NLGN4X: variants seen among roughly 807,000 people sequenced by gnomAD.
The protein encoded by NLGN4X is neuroligin-4, X-linked.
In NLGN4X, 3 loss-of-function variants were observed where a neutral mutation model predicts 40.3. The ratio of observed to expected loss-of-function variants is 0.07; its 90% CI spans 0.03 to 0.19. The LOEUF (loss-of-function observed/expected upper bound fraction) is 0.19, where lower values mean the gene tolerates loss of function less well. NLGN4X is among the 10% of genes least tolerant of loss of function. The pLI is 1.00. For missense variants in NLGN4X, 382 were observed against 708.3 expected, an observed-to-expected ratio of 0.54 and a Z score of 5.23; for synonymous variants, 270 against 306.8, an observed-to-expected ratio of 0.88 and a Z score of 1.25.
At chrX:5,971,253 G>C (rs763065185) in intron 3 of NLGN4X, among the ~76,000 whole-genome samples, 33 of 110,603 alleles carry the variant, frequency 3.0e-4, no homozygotes, top group African/African-American at 1.0e-3. Context: ...CCCTCCCTGG[G>C]TACCAGTCCC....
intron 1 of NLGN4X, among the ~76,000 whole-genome samples, chrX:6,192,881 C>T (rs773493013): frequency 3.6e-4 from 40 of 111,666 alleles, no homozygotes; most frequent in Non-Finnish European, 6.6e-4. Flanking sequence ...TGGGAACAAT[C>T]GGGCTCAAGG....
chrX:6,130,905 TA>T (rs1449652862), intron 2 of NLGN4X, among the ~76,000 whole-genome samples: 1 of 111,808 alleles, frequency 8.9e-6, no homozygotes, highest in East Asian at 2.8e-4. Flanking sequence ...CAACTGTATA[TA>T]AAAAAAACCA....
At chrX:6,131,465 C>T (rs1321852626) in intron 2 of NLGN4X, among the ~76,000 whole-genome samples, 1 of 111,969 alleles carries the variant, frequency 8.9e-6, no homozygotes, top group Non-Finnish European at 1.9e-5. Flanking sequence ...AATGTAGGGG[C>T]CAATCACCCC....
chrX:5,960,411 T>G (rs147682300), intron 3 of NLGN4X, among the ~76,000 whole-genome samples: 1,784 of 111,412 alleles, frequency 0.016, 36 homozygotes, highest in African/African-American at 0.056. Flanking sequence ...ATATTATACA[T>G]TTCCTTATTT....
chrX:6,203,438 T>A (rs2147861150), intron 1 of NLGN4X, among the ~76,000 whole-genome samples: 1 of 112,620 alleles, frequency 8.9e-6, no homozygotes, highest in African/African-American at 3.2e-5. Flanking sequence ...GTGCCAGATT[T>A]GATTTGAACA....
chrX:6,116,830 A>G (rs147602723), intron 2 of NLGN4X, among the ~76,000 whole-genome samples: 1 of 110,763 alleles, frequency 9.0e-6, no homozygotes, highest in Non-Finnish European at 1.9e-5. Context: ...AAGTGCCAAG[A>G]AGTGCTTTTA....
intron 2 of NLGN4X, among the ~76,000 whole-genome samples, chrX:6,149,669 C>T (rs998409974): frequency 9.0e-6 from 1 of 111,500 alleles, no homozygotes; most frequent in Non-Finnish European, 1.9e-5. Context: ...AGAGGTCTGT[C>T]ACCATAACGA....
chrX:5,987,551 T>C (rs1453166806), intron 3 of NLGN4X, among the ~76,000 whole-genome samples: 1 of 112,187 alleles, frequency 8.9e-6, no homozygotes, highest in African/African-American at 3.2e-5. Flanking sequence ...AAATGGATTA[T>C]TTTTTTTAAT....
At chrX:5,940,097 G>T (rs886966095) in intron 3 of NLGN4X, among the ~76,000 whole-genome samples, 1 of 110,194 alleles carries the variant, frequency 9.1e-6, no homozygotes, top group Admixed American at 9.7e-5. Flanking sequence ...TAAATATGCT[G>T]GGATACATTA....
intron 3 of NLGN4X, among the ~76,000 whole-genome samples, chrX:5,965,549 C>T (rs1037348081): frequency 5.4e-5 from 6 of 112,075 alleles, no homozygotes; most frequent in Admixed American, 2.8e-4. Flanking sequence ...TGTCAAGACA[C>T]ATTTATTCCA....
At chrX:6,029,456 A>G (rs371296577) in intron 2 of NLGN4X, 24 bp from the exon 3 acceptor site, 247 of 1,193,184 alleles carry the variant, frequency 2.1e-4, no homozygotes, top group Non-Finnish European at 2.7e-4. Flanking sequence ...CCAAGTAAGG[A>G]AACACAATAA....
intron 2 of NLGN4X, among the ~76,000 whole-genome samples, chrX:6,122,706 T>C (rs1468809947): frequency 9.3e-6 from 1 of 107,229 alleles, no homozygotes; most frequent in Non-Finnish European, 1.9e-5. Flanking sequence ...ATGACCCAAG[T>C]AAACAAACTG....
rs775232833 is a variant in NLGN4X, at chrX:6,225,916, T to C, written c.-306+2625A>G. Among the ~76,000 whole-genome samples the C allele has an allele frequency of 5.4e-4, 31 of 57,479 alleles. No individual in the cohort carries two copies. The Admixed American group carries it at 5.4e-3, about 10-fold the overall frequency. 49.9% of individuals were successfully genotyped at this position (57,479 alleles called of 115,157 possible). A position where few individuals can be genotyped will look rare whatever the true frequency, so the allele number is the denominator to read the frequency against. On this transcript the variant is annotated intron_variant, in intron 1 of 5. Coordinates refer to ENST00000381095, the MANE Select transcript of NLGN4X (RefSeq NM_181332.3). Reference sequence around the variant, plus strand: ...GCCCCCCCCAAAAAAAATGACCAAATAGAAATAAAATAAAATAAAAATAAA... The same window carrying C: ...GCCCCCCCCAAAAAAAATGACCAAACAGAAATAAAATAAAATAAAAATAAA...
chrX:6,161,336 A>G (rs1300447105), intron 1 of NLGN4X, among the ~76,000 whole-genome samples: 1 of 84,732 alleles, frequency 1.2e-5, no homozygotes, highest in Non-Finnish European at 2.1e-5. Context: ...AAAATATATT[A>G]TTCTATATAT....
chrX:6,156,698 G>A (rs1288405958), intron 1 of NLGN4X, among the ~76,000 whole-genome samples: 1 of 110,142 alleles, frequency 9.1e-6, no homozygotes, highest in Non-Finnish European at 1.9e-5. Flanking sequence ...ACAAACTTGG[G>A]ACTACTACAG....
intron 2 of NLGN4X, among the ~76,000 whole-genome samples, chrX:6,098,652 G>A (rs1446804058): frequency 2.7e-5 from 3 of 111,430 alleles, no homozygotes; most frequent in Non-Finnish European, 5.7e-5. Context: ...TTCCCCTCCT[G>A]CCTAACTCCC....
intron 3 of NLGN4X, among the ~76,000 whole-genome samples, chrX:6,026,577 A>G (rs957220479): frequency 8.9e-6 from 1 of 111,989 alleles, no homozygotes; most frequent in Non-Finnish European, 1.9e-5. Context: ...ATAAAAACCA[A>G]CGCAGTCACA....
At chrX:6,112,351 A>C (rs916615449) in intron 2 of NLGN4X, among the ~76,000 whole-genome samples, 3 of 111,536 alleles carry the variant, frequency 2.7e-5, no homozygotes, top group Non-Finnish European at 5.6e-5. Flanking sequence ...ATTTGAAAAA[A>C]AGTTACGTAA....
In NLGN4X at chrX:5,925,879, CACATATATATATATATATATATATAT is replaced by C. The variant is rs1299644952; in HGVS notation, c.626-16666_626-16641del. 1.1e-3 allele frequency among the ~76,000 whole-genome samples: 51 copies of C among 46,806 alleles called. No individual in the cohort carries two copies. In the East Asian group the frequency reaches 0.012, roughly 11 times the overall value. 40.6% of individuals were successfully genotyped at this position (46,806 alleles called of 115,157 possible). A position where few individuals can be genotyped will look rare whatever the true frequency, so the allele number is the denominator to read the frequency against. On this transcript the variant is annotated intron_variant, in intron 3 of 5. Coordinates refer to ENST00000381095, the MANE Select transcript of NLGN4X (RefSeq NM_181332.3). ...ATATATATATATATATATACATACA[CACATATATATATATATATATATATAT>C]ATATATATATATATATATATATATA...
Sources: allele counts gnomAD v4.1 joint callset (sites outside exome capture counted in the v4.1 genomes callset), GRCh38; gene constraint gnomAD v4.1.1; transcripts MANE v1.5; gene names NCBI Gene and HGNC (gene_info 2026-07-23, HGNC 2026-07-21).